MACROD2: variants seen among roughly 807,000 people sequenced by gnomAD.
MACROD2 encodes mono-ADP ribosylhydrolase 2, also known as ADP-ribose glycohydrolase MACROD2.
MACROD2 carries 36 observed loss-of-function variants against 70.4 expected under a neutral mutation model. The observed-to-expected ratio is 0.51, with a 90% CI of 0.39 to 0.68. The LOEUF (loss-of-function observed/expected upper bound fraction) is 0.68, where lower values mean the gene tolerates loss of function less well. Ranked by LOEUF, MACROD2 falls within the 30% of genes least tolerant of loss-of-function variation. The pLI is 0.00. For missense variants in MACROD2, 496 were observed against 538.4 expected (o/e 0.92, Z 0.78); for synonymous variants, 172 against 178.8 (o/e 0.96, Z 0.30).
chr20:15,154,263 C>G (rs951118249), intron 5 of MACROD2, among the ~76,000 whole-genome samples: 1 of 152,186 alleles, frequency 6.6e-6, no homozygotes, highest in African/African-American at 2.4e-5. Context: ...TCTCATTCCT[C>G]ACCGTCACTT....
intron 6 of MACROD2, among the ~76,000 whole-genome samples, chr20:15,394,066 C>T (rs2045828514): frequency 6.6e-6 from 1 of 152,152 alleles, no homozygotes; most frequent in Admixed American, 6.5e-5. Flanking sequence ...AGAGGCTTAT[C>T]GTTGGAAGTG....
chr20:14,230,260 T>C (rs892592627), intron 3 of MACROD2, among the ~76,000 whole-genome samples: 7 of 152,170 alleles, frequency 4.6e-5, no homozygotes, highest in African/African-American at 1.7e-4. Context: ...TTGATAGCAT[T>C]GTACACACAG....
intron 7 of MACROD2, among the ~76,000 whole-genome samples, chr20:15,453,681 A>C (rs967510780): frequency 7.2e-5 from 11 of 152,166 alleles, no homozygotes; most frequent in African/African-American, 2.7e-4. Flanking sequence ...CTGAGGTGGG[A>C]CAAGGACACC....
At chr20:15,969,973 A>G (rs1178065505) in intron 13 of MACROD2, among the ~76,000 whole-genome samples, 3 of 151,672 alleles carry the variant, frequency 2.0e-5, no homozygotes, top group Non-Finnish European at 4.4e-5. Flanking sequence ...ATGACCCATC[A>G]TAGTAAAATT....
chr20:14,782,017 G>T (rs563592511), intron 5 of MACROD2, among the ~76,000 whole-genome samples: 1 of 151,850 alleles, frequency 6.6e-6, no homozygotes, highest in East Asian at 1.9e-4. Flanking sequence ...TCCGCCTCCC[G>T]GGTTCAAGTG....
chr20:15,911,104 T>G (rs998176141), intron 10 of MACROD2, among the ~76,000 whole-genome samples: 1 of 152,216 alleles, frequency 6.6e-6, no homozygotes, highest in African/African-American at 2.4e-5. Context: ...TAGACTCTGA[T>G]CTAGCATCTG....
At chr20:15,457,969 A>T (rs1568822694) in intron 7 of MACROD2, among the ~76,000 whole-genome samples, 1 of 151,166 alleles carries the variant, frequency 6.6e-6, no homozygotes, top group Non-Finnish European at 1.5e-5. Context: ...AAAAGAAAAA[A>T]GAAAAACAAG....
rs533575644 is a variant in MACROD2 at position 14,559,627 on chromosome 20, A to T, written c.301+66119A>T. On this transcript the variant is annotated intron_variant, in intron 4 of 17. Coordinates refer to ENST00000684519, the MANE Select transcript of MACROD2 (RefSeq NM_001351661.2). ...TACTTTCTGTTTTTATAACTTACTGATACTAAAATGTTCAAAGCTTATAGT... is the reference window on the plus strand; with the variant it reads ...TACTTTCTGTTTTTATAACTTACTGTTACTAAAATGTTCAAAGCTTATAGT... 5.3e-5 allele frequency among the ~76,000 whole-genome samples: 8 copies of T among 151,918 alleles called. No homozygotes were observed. In the East Asian group the frequency reaches 1.6e-3, roughly 30 times the overall value.
At chr20:14,273,743 G>T (rs994191529) in intron 3 of MACROD2, among the ~76,000 whole-genome samples, 15 of 151,968 alleles carry the variant, frequency 9.9e-5, no homozygotes, top group African/African-American at 3.6e-4. Context: ...TTGATAGACC[G>T]CTAGCAAGAC....
chr20:15,881,269 A>C (rs1417889399), intron 9 of MACROD2, among the ~76,000 whole-genome samples: 1 of 152,130 alleles, frequency 6.6e-6, no homozygotes, highest in Non-Finnish European at 1.5e-5. Context: ...AGTTTAATGC[A>C]GGGCTAGCCA....
chr20:14,841,902 C>T (rs1279419049), intron 5 of MACROD2, among the ~76,000 whole-genome samples: 1 of 152,042 alleles, frequency 6.6e-6, no homozygotes, highest in Non-Finnish European at 1.5e-5. Context: ...CCCTTTCCTA[C>T]CCCATTTAGA....
At chr20:15,211,178 T>G (rs1280822377) in intron 5 of MACROD2, among the ~76,000 whole-genome samples, 1 of 152,244 alleles carries the variant, frequency 6.6e-6, no homozygotes, top group Non-Finnish European at 1.5e-5. Context: ...ACATCTTATA[T>G]AAATGGAATT....
At chr20:15,921,341 T>C (rs2065402990) in intron 10 of MACROD2, among the ~76,000 whole-genome samples, 1 of 152,172 alleles carries the variant, frequency 6.6e-6, no homozygotes, top group African/African-American at 2.4e-5. Flanking sequence ...TCATCCTACT[T>C]CATTTGCGTG....
At chr20:14,140,679 C>T (rs1474833608) in intron 3 of MACROD2, among the ~76,000 whole-genome samples, 2 of 152,282 alleles carry the variant, frequency 1.3e-5, no homozygotes, top group Middle Eastern at 3.4e-3. Flanking sequence ...TCAGCTCCAG[C>T]TGCTGCCGAA....
intron 3 of MACROD2, among the ~76,000 whole-genome samples, chr20:14,306,137 T>C (rs999995456): frequency 2.0e-5 from 3 of 152,120 alleles, no homozygotes; most frequent in Admixed American, 6.6e-5. Flanking sequence ...TCTATTTTTT[T>C]CCAAATCCAG....
At chr20:16,025,065 C>G (rs1399001428) in intron 15 of MACROD2, among the ~76,000 whole-genome samples, 1 of 152,202 alleles carries the variant, frequency 6.6e-6, no homozygotes, top group African/African-American at 2.4e-5. Flanking sequence ...GACAGACTCT[C>G]TAGTTTGGTA....
chr20:15,238,815 G>A (rs1052268475), intron 6 of MACROD2, among the ~76,000 whole-genome samples: 1 of 152,114 alleles, frequency 6.6e-6, no homozygotes, highest in African/African-American at 2.4e-5. Flanking sequence ...ATTATTTTCT[G>A]TTCTTTTATC....
At chr20:14,558,710 A>G (rs566796449) in intron 4 of MACROD2, among the ~76,000 whole-genome samples, 124 of 151,786 alleles carry the variant, frequency 8.2e-4, no homozygotes, top group African/African-American at 2.8e-3. Context: ...TTACATCTAA[A>G]TTTTCTTAAA....
At chr20:15,316,831 A>G (rs1191703100) in intron 6 of MACROD2, among the ~76,000 whole-genome samples, 2 of 152,116 alleles carry the variant, frequency 1.3e-5, no homozygotes, top group Non-Finnish European at 1.5e-5. Flanking sequence ...AAAGACTGAA[A>G]TCATGTAAGT....
Sources: gnomAD v4.1 joint callset for allele counts (sites outside exome capture counted in the v4.1 genomes callset) on GRCh38, gnomAD v4.1.1 for gene constraint, MANE v1.5 for transcripts, NCBI Gene and HGNC (gene_info 2026-07-23, HGNC 2026-07-21) for gene names.